The following WDR82 variants were observed in gnomAD, a reference collection of about 807,000 sequenced individuals.
WDR82 encodes the protein WD repeat domain 82.
A neutral mutation model predicts 36.1 loss-of-function variants in WDR82; 8 were observed. The observed-to-expected ratio is 0.22, with a 90% CI of 0.13 to 0.40. The LOEUF (loss-of-function observed/expected upper bound fraction) is 0.40, where lower values mean the gene tolerates loss of function less well. WDR82 is among the 10% of genes least tolerant of loss of function. The pLI is 1.00. For synonymous variants in WDR82, 129 were observed against 137.8 expected (o/e 0.94, Z 0.45); for missense variants, 185 against 400.5 (o/e 0.46, Z 4.59).
intron 1 of WDR82, among the ~76,000 whole-genome samples, chr3:52,277,911 C>A (rs1195710691): frequency 6.6e-6 from 1 of 152,076 alleles, no homozygotes; most frequent in Non-Finnish European, 1.5e-5. Context: ...GCGGACCGGG[C>A]GTTTAAAGGT....
chr3:52,278,192 C>A lies in WDR82; in HGVS notation c.161+9G>T. On this transcript the variant is annotated intron_variant, in intron 1 of 8. Transcript: ENST00000296490. ...TGAGACTCGGGCCCAGGGCCTCCGC[C>A]GCACTCACTTGCCCTCCTGGCAGTC... 1 of 1,588,856 alleles carries A rather than the reference C, an allele frequency of 6.3e-7. No individual in the cohort carries two copies. The highest frequency in any genetic ancestry group is 8.6e-7 in the Non-Finnish European group (1 of 1,167,076).
At chr3:52,271,188 C>A (rs1157106857) in intron 1 of WDR82, among the ~76,000 whole-genome samples, 1 of 152,204 alleles carries the variant, frequency 6.6e-6, no homozygotes, top group African/African-American at 2.4e-5. Flanking sequence ...TAGAGCTGCC[C>A]TCTACAACCG....
Position 52,257,576 on chromosome 3 carries a change from G to A in WDR82, c.913-57C>T, listed in dbSNP as rs1176709003. The A allele has an allele frequency of 3.7e-6, 6 of 1,609,730 alleles. No homozygotes were observed. The African/African-American group carries it at 8.0e-5, about 22-fold the overall frequency. On this transcript the variant is annotated intron_variant, in intron 8 of 8. Coordinates refer to ENST00000296490, the MANE Select transcript of WDR82 (RefSeq NM_025222.4). The stretch of plus-strand genomic sequence containing the variant: ...GCCAAGCATCTCCTCACTGCCAACG[G>A]TTCTTCACATCCCACCCCACAGCAA...
intron 1 of WDR82, among the ~76,000 whole-genome samples, chr3:52,273,566 A>AT (rs1380826999): frequency 9.9e-5 from 15 of 151,968 alleles, no homozygotes; most frequent in African/African-American, 9.7e-5. Flanking sequence ...CTAACCTGAG[A>AT]TTTTTTTTCC....
At chr3:52,278,165 A>AC in intron 1 of WDR82, 36 bp downstream of exon 1, 1 of 1,534,992 alleles carries the variant, frequency 6.5e-7, no homozygotes, top group South Asian at 1.2e-5. Flanking sequence ...GGAGGGAGGC[A>AC]CTGAGACTCG....
intron 2 of WDR82, chr3:52,268,129 A>C: frequency 3.5e-6 from 1 of 289,408 alleles, no homozygotes; most frequent in Non-Finnish European, 7.4e-6. Flanking sequence ...CTTGAATGAC[A>C]ACTACGAAGT....
intron 4 of WDR82, among the ~76,000 whole-genome samples, chr3:52,260,869 C>T (rs1054235332): frequency 1.1e-4 from 17 of 152,362 alleles, no homozygotes; most frequent in East Asian, 9.6e-4. Context: ...CAGTGGCTCA[C>T]GCCTATAATC....
At chr3:52,266,554 C>T (rs1207677085) in intron 3 of WDR82, among the ~76,000 whole-genome samples, 1 of 152,152 alleles carries the variant, frequency 6.6e-6, no homozygotes, top group Non-Finnish European at 1.5e-5. Flanking sequence ...TCTCCTGCCT[C>T]AGCCTCCCGA....
At chr3:52,261,585 C>A in intron 3 of WDR82, 106 bp from the exon 4 acceptor site, 1 of 807,678 alleles carries the variant, frequency 1.2e-6, no homozygotes, top group Non-Finnish European at 1.8e-6. Context: ...CCTGTTCTCC[C>A]AAAATTGCCA....
intron 5 of WDR82, 25 bp from the exon 6 acceptor site, chr3:52,259,897 C>T (rs751201937): frequency 3.1e-6 from 5 of 1,593,126 alleles, no homozygotes; most frequent in East Asian, 4.5e-5. Context: ...AAACAGTAGC[C>T]CCAGGCATAT....
chr3:52,263,700 GAACT>G (rs1246592218), intron 3 of WDR82, among the ~76,000 whole-genome samples: 3 of 152,206 alleles, frequency 2.0e-5, no homozygotes, highest in Non-Finnish European at 4.4e-5. Context: ...GAAAAAGAGT[GAACT>G]AACAACAGAT....
chr3:52,278,221 G>C lies in WDR82; in HGVS notation c.141C>G (p.Leu47=). The part of the protein sequence containing the change: ...ISSSDDDSIV[L]YDCQEGKPKR... The stretch of plus-strand genomic sequence containing the variant: ...CTCACTTGCCCTCCTGGCAGTCATA[G>C]AGCACGATGGAGTCGTCGTCGCTAC... Residue 47 remains leucine (L), a synonymous_variant, in exon 1 of 9, where the codon CTC becomes CTG. Transcript: ENST00000296490. The C allele has an allele frequency of 6.2e-7, 1 of 1,606,186 alleles. No homozygotes were observed. The highest frequency in any genetic ancestry group is 8.5e-7 in the Non-Finnish European group (1 of 1,176,376).
chr3:52,256,759 G>C lies in WDR82; in HGVS notation c.*731C>G, dbSNP rs1700013097. ...CTGCTGCTAAACCTTCCAGCCCTAG[G>C]AACTCACCTGCTACCCTCCCGCTAC... On this transcript the variant is annotated 3_prime_UTR_variant, in exon 9 of 9. Transcript: ENST00000296490. The C allele has an allele frequency of 6.5e-6, 1 of 153,506 alleles. No individual in the cohort carries two copies. Among genetic ancestry groups the C allele is most frequent in the South Asian group, 2.1e-4 (1 of 4,824 alleles). 9.5% of individuals were successfully genotyped at this position (153,506 alleles called of 1,614,324 possible). A position where few individuals can be genotyped will look rare whatever the true frequency, so the allele number is the denominator to read the frequency against.
At chr3:52,260,007 A>G (rs1192546716) in intron 5 of WDR82, 135 bp from the exon 6 acceptor site, 14 of 1,048,610 alleles carry the variant, frequency 1.3e-5, no homozygotes, top group Middle Eastern at 3.3e-4. Flanking sequence ...CCACTCTCTA[A>G]TATCTACCAC....
chr3:52,260,919 G>A (rs1374413768), intron 4 of WDR82, among the ~76,000 whole-genome samples: 1 of 152,192 alleles, frequency 6.6e-6, no homozygotes, highest in Non-Finnish European at 1.5e-5. Context: ...ATCACCTGAG[G>A]TCAGGAGACT....
At chr3:52,266,832 A>G in intron 3 of WDR82, 120 bp downstream of exon 3, 1 of 795,104 alleles carries the variant, frequency 1.3e-6, no homozygotes, top group South Asian at 1.4e-5. Context: ...GAAGATGAAG[A>G]ATGCCAAGCA....
At position 52,259,742 on chromosome 3, in the gene WDR82, T is replaced by C. The variant is rs776471424; in HGVS notation, c.674A>G (p.Lys225Arg). Residue 225 changes from lysine (K) to arginine (R), a missense_variant, in exon 6 of 9, where the codon AAA becomes AGA. Physicochemically the swap from Lys to Arg is conservative, Grantham distance 26. Around this residue, in one of 3 missense-constraint regions of WDR82, gnomAD observed 110 missense variants for 212.6 expected, o/e 0.52. Transcript: ENST00000296490. Reference sequence around the variant, plus strand: ...CCCAAATGTGTGCATCACCACTCCTTTGAATGCATCAATCAGACGAATGAA... The same window carrying C: ...CCCAAATGTGTGCATCACCACTCCTCTGAATGCATCAATCAGACGAATGAA... ...GSFIRLIDAF[K>R]GVVMHTFGGY... is the part of the protein sequence containing the mutation. 5 of 1,613,826 alleles carry C rather than the reference T, an allele frequency of 3.1e-6. No individual in the cohort carries two copies. Among genetic ancestry groups the C allele is most frequent in the Non-Finnish European group, 4.2e-6 (5 of 1,179,936 alleles).
intron 2 of WDR82, among the ~76,000 whole-genome samples, chr3:52,269,380 C>A (rs1685228843): frequency 6.6e-6 from 1 of 152,154 alleles, no homozygotes; most frequent in Non-Finnish European, 1.5e-5. Flanking sequence ...GAGGCTGAGG[C>A]AAGAGCATCG....
At chr3:52,278,141 T>A (rs548801732) in intron 1 of WDR82, 60 bp downstream of exon 1, 54 of 1,442,690 alleles carry the variant, frequency 3.7e-5, no homozygotes, top group Non-Finnish European at 4.5e-5. Flanking sequence ...CCGAGGGACC[T>A]GTGCTGGGCC....
Sources: gnomAD v4.1 joint callset for allele counts (sites outside exome capture counted in the v4.1 genomes callset) on GRCh38, gnomAD v4.1.1 for gene constraint, gnomAD v4.1.1 regional missense constraint, MANE v1.5 for transcripts, NCBI Gene and HGNC (gene_info 2026-07-23, HGNC 2026-07-21) for gene names.